The following CACNA2D1 variants were observed in gnomAD, a reference collection of about 807,000 sequenced individuals.
CACNA2D1 encodes the protein voltage-dependent calcium channel subunit alpha-2/delta-1.
CACNA2D1 carries 53 observed loss-of-function variants against 171.5 expected under a neutral mutation model. The ratio of observed to expected loss-of-function variants is 0.31; its 90% CI spans 0.25 to 0.39. CACNA2D1 has a LOEUF of 0.39. Ranked by LOEUF, CACNA2D1 falls within the 10% of genes least tolerant of loss-of-function variation. CACNA2D1 has a pLI of 1.00. For synonymous variants in CACNA2D1, 442 were observed against 443.1 expected (o/e 1.00, Z 0.03); for missense variants, 903 against 1,299.8 (o/e 0.69, Z 4.69).
rs1241305038 is a variant in CACNA2D1, at chr7:82,150,272, A to C, written c.355-13596T>G. Among the ~76,000 whole-genome samples, 152 of 87,838 alleles carry C rather than the reference A, an allele frequency of 1.7e-3. 2 individuals carry two copies. Among genetic ancestry groups the C allele is most frequent in the African/African-American group, 0.011 (146 of 13,756 alleles). 57.6% of individuals were successfully genotyped at this position (87,838 alleles called of 152,430 possible). A position where few individuals can be genotyped will look rare whatever the true frequency, so the allele number is the denominator to read the frequency against. On this transcript the variant is annotated intron_variant, in intron 4 of 38. Coordinates refer to ENST00000356860, the MANE Select transcript of CACNA2D1 (RefSeq NM_000722.4). ...TAGATCAAATTAAAAAAAAAAAACA[A>C]AAACAACAACAAAAAAAAACACCCT...
intron 1 of CACNA2D1, among the ~76,000 whole-genome samples, chr7:82,425,015 G>A (rs1829049459): frequency 6.6e-6 from 1 of 152,200 alleles, no homozygotes; most frequent in Admixed American, 6.5e-5. Flanking sequence ...TTCTCCTTGA[G>A]TGTGAGTGGG....
chr7:82,341,127 G>A (rs886083267), intron 2 of CACNA2D1, among the ~76,000 whole-genome samples: 1 of 151,866 alleles, frequency 6.6e-6, no homozygotes, highest in African/African-American at 2.4e-5. Flanking sequence ...TTGTTCCCTA[G>A]CAACTAAGAA....
intron 3 of CACNA2D1, among the ~76,000 whole-genome samples, chr7:82,225,612 T>A (rs1240857072): frequency 6.6e-6 from 1 of 152,182 alleles, no homozygotes. Flanking sequence ...TATTTATATA[T>A]TTTACACATA....
At chr7:82,132,591 G>A (rs1391389125) in intron 5 of CACNA2D1, among the ~76,000 whole-genome samples, 4 of 152,252 alleles carry the variant, frequency 2.6e-5, no homozygotes, top group Middle Eastern at 3.4e-3. Flanking sequence ...AAGAATCATG[G>A]ATATTGGAAC....
chr7:82,161,765 G>A (rs527891423), intron 4 of CACNA2D1, among the ~76,000 whole-genome samples: 10 of 152,082 alleles, frequency 6.6e-5, no homozygotes, highest in Admixed American at 6.6e-4. Flanking sequence ...GCATGTCATC[G>A]GATAAATGAG....
intron 3 of CACNA2D1, among the ~76,000 whole-genome samples, chr7:82,322,451 C>CA (rs11440104): frequency 0.082 from 8,525 of 103,894 alleles, 1,194 homozygotes; most frequent in African/African-American, 0.3. Flanking sequence ...CCTGGCTTTA[C>CA]AAAAAAAAAA....
chr7:82,032,348 C>T (rs976112539), intron 12 of CACNA2D1, among the ~76,000 whole-genome samples: 57 of 151,868 alleles, frequency 3.8e-4, no homozygotes, highest in African/African-American at 1.3e-3. Context: ...CTGTTGTAAA[C>T]TGCCTTTTTG....
Position 81,974,557 on chromosome 7 carries a change from A to AAG in CACNA2D1, c.1956-6_1956-5insCT, listed in dbSNP as rs1795628539. On this transcript the variant is annotated splice_polypyrimidine_tract_variant and splice_region_variant and intron_variant, in intron 24 of 38. Transcript: ENST00000356860. The stretch of plus-strand genomic sequence containing the variant: ...TTCAGGTCATTGCAGTAATCTCTGA[A>AAG]AAAAAAACATTTTGAGATATTAGAT... The AAG allele has an allele frequency of 7.2e-7, 1 of 1,398,524 alleles. No homozygotes were observed. Among genetic ancestry groups the AAG allele is most frequent in the East Asian group, 2.3e-5 (1 of 43,424 alleles). 86.6% of individuals were successfully genotyped at this position (1,398,524 alleles called of 1,614,324 possible). A position where few individuals can be genotyped will look rare whatever the true frequency, so the allele number is the denominator to read the frequency against.
At chr7:82,194,373 T>G (rs181793628) in intron 3 of CACNA2D1, among the ~76,000 whole-genome samples, 2 of 152,154 alleles carry the variant, frequency 1.3e-5, no homozygotes, top group East Asian at 3.9e-4. Flanking sequence ...AAATATGTCC[T>G]TATTTCTTAT....
intron 3 of CACNA2D1, among the ~76,000 whole-genome samples, chr7:82,257,555 T>A (rs1026457036): frequency 6.6e-6 from 1 of 152,184 alleles, no homozygotes; most frequent in African/African-American, 2.4e-5. Flanking sequence ...GAGATCACAA[T>A]AAAGAAATAC....
chr7:82,054,964 T>C (rs1584559611), intron 10 of CACNA2D1, among the ~76,000 whole-genome samples: 1 of 152,188 alleles, frequency 6.6e-6, no homozygotes, highest in Admixed American at 6.5e-5. Context: ...GTCAGCCAAC[T>C]ATCAACTAAG....
At chr7:82,059,788 C>T (rs1315751262) in intron 10 of CACNA2D1, among the ~76,000 whole-genome samples, 1 of 150,748 alleles carries the variant, frequency 6.6e-6, no homozygotes, top group Non-Finnish European at 1.5e-5. Flanking sequence ...AAATGTGGCA[C>T]ATATACACCA....
chr7:82,037,980 ACTAT>A, intron 11 of CACNA2D1, 93 bp downstream of exon 11: 1 of 1,161,084 alleles, frequency 8.6e-7, no homozygotes, highest in African/African-American at 1.5e-5. Context: ...GAAAAACAGC[ACTAT>A]CTAATCCCAG....
At chr7:82,070,791 T>C in intron 7 of CACNA2D1, among the ~76,000 whole-genome samples, 1 of 152,084 alleles carries the variant, frequency 6.6e-6, no homozygotes, top group East Asian at 1.9e-4. Context: ...AGAACTTTGG[T>C]GGACAGCTAG....
chr7:82,125,985 TTAA>T (rs1190863805), intron 5 of CACNA2D1, among the ~76,000 whole-genome samples: 1 of 152,222 alleles, frequency 6.6e-6, no homozygotes, highest in Non-Finnish European at 1.5e-5. Context: ...TGTAATGATA[TTAA>T]TAATTAATGT....
chr7:82,131,656 A>T (rs571143334), intron 5 of CACNA2D1, among the ~76,000 whole-genome samples: 1 of 152,318 alleles, frequency 6.6e-6, no homozygotes, highest in South Asian at 2.1e-4. Flanking sequence ...TTATTAGTTG[A>T]TGTAGACGTA....
intron 3 of CACNA2D1, among the ~76,000 whole-genome samples, chr7:82,313,531 T>C (rs10274741): frequency 0.26 from 38,872 of 152,150 alleles, 5,898 homozygotes; most frequent in African/African-American, 0.43. Flanking sequence ...ATCTGCCTAA[T>C]GAGACCACCT....
At chr7:82,439,336 C>T (rs2129459794) in intron 1 of CACNA2D1, among the ~76,000 whole-genome samples, 1 of 151,424 alleles carries the variant, frequency 6.6e-6, no homozygotes, top group African/African-American at 2.4e-5. Context: ...ATGTGTAAAC[C>T]CTAGAAAGAA....
intron 3 of CACNA2D1, among the ~76,000 whole-genome samples, chr7:82,195,186 G>C (rs192083000): frequency 6.6e-6 from 1 of 151,942 alleles, no homozygotes; most frequent in East Asian, 1.9e-4. Context: ...AGATTTAAAA[G>C]AGAGTCCCTA....
Sources: allele counts gnomAD v4.1 joint callset (sites outside exome capture counted in the v4.1 genomes callset), GRCh38; gene constraint gnomAD v4.1.1; transcripts MANE v1.5; gene names NCBI Gene and HGNC (gene_info 2026-07-23, HGNC 2026-07-21).